The following ARHGAP28 variants were observed in gnomAD, a reference collection of about 807,000 sequenced individuals.
ARHGAP28 encodes Rho GTPase activating protein 28, also known as rho GTPase-activating protein 28.
In ARHGAP28, 56 loss-of-function variants were observed where a neutral mutation model predicts 90.7. The ratio of observed to expected loss-of-function variants is 0.62; its 90% CI spans 0.50 to 0.77. ARHGAP28 has a LOEUF of 0.77. ARHGAP28 is among the 30% of genes least tolerant of loss of function. The pLI is 0.00. For synonymous variants in ARHGAP28, 308 were observed against 323.3 expected, an observed-to-expected ratio of 0.95 and a Z score of 0.51; for missense variants, 869 against 900.9, an observed-to-expected ratio of 0.96 and a Z score of 0.45.
intron 16 of ARHGAP28, chr18:6,898,495 AAAGAG>A: frequency 1.9e-6 from 3 of 1,614,128 alleles, no homozygotes; most frequent in Non-Finnish European, 2.5e-6. Flanking sequence ...GTTAAAAAAG[AAAGAG>A]AAGAGTCGAC....
At chr18:6,828,221 C>T (rs373877749) in intron 2 of ARHGAP28, among the ~76,000 whole-genome samples, 12 of 152,310 alleles carry the variant, frequency 7.9e-5, no homozygotes, top group African/African-American at 2.4e-4. Context: ...CGTGGCGGCA[C>T]GCGCCTGCAA....
intron 4 of ARHGAP28, among the ~76,000 whole-genome samples, chr18:6,854,468 G>A: frequency 6.6e-6 from 1 of 152,122 alleles, no homozygotes; most frequent in East Asian, 1.9e-4. Flanking sequence ...TCTTTCTTCA[G>A]TTGCTGGATA....
intron 4 of ARHGAP28, among the ~76,000 whole-genome samples, chr18:6,853,959 G>C (rs928976553): frequency 6.6e-6 from 1 of 152,188 alleles, no homozygotes; most frequent in Non-Finnish European, 1.5e-5. Context: ...CCCTGAGACG[G>C]TGTCATGGGC....
At chr18:6,775,832 A>T (rs2056279118) in intron 1 of ARHGAP28, among the ~76,000 whole-genome samples, 1 of 152,204 alleles carries the variant, frequency 6.6e-6, no homozygotes, top group Non-Finnish European at 1.5e-5. Flanking sequence ...TCTTTTACAG[A>T]CAAATTTTAT....
intron 1 of ARHGAP28, among the ~76,000 whole-genome samples, chr18:6,762,451 T>C (rs776973448): frequency 4.6e-5 from 7 of 152,238 alleles, no homozygotes; most frequent in Non-Finnish European, 7.3e-5. Context: ...TGTAATTTCA[T>C]TCAGTTTCCC....
At chr18:6,786,750 T>C (rs1371844819) in intron 1 of ARHGAP28, among the ~76,000 whole-genome samples, 1 of 152,106 alleles carries the variant, frequency 6.6e-6, no homozygotes, top group Non-Finnish European at 1.5e-5. Flanking sequence ...GCTATGGCTA[T>C]TGATATATAA....
chr18:6,730,221 G>GTATATATA (rs55890039), intron 1 of ARHGAP28: 53 of 175,048 alleles, frequency 3.0e-4, no homozygotes, highest in Middle Eastern at 2.3e-3. Context: ...TAAGTCATGT[G>GTATATATA]TATATATATA....
chr18:6,803,996 A>C (rs1215252599), intron 1 of ARHGAP28, among the ~76,000 whole-genome samples: 4 of 151,998 alleles, frequency 2.6e-5, no homozygotes, highest in Non-Finnish European at 5.9e-5. Flanking sequence ...AGTCAGGATG[A>C]TCTTGATTTC....
intron 1 of ARHGAP28, among the ~76,000 whole-genome samples, chr18:6,786,425 T>A (rs1361768140): frequency 6.6e-6 from 1 of 152,032 alleles, no homozygotes; most frequent in East Asian, 1.9e-4. Flanking sequence ...AGGATAAAAA[T>A]GTGAGAACCC....
At chr18:6,812,070 A>C (rs1231715307) in intron 1 of ARHGAP28, among the ~76,000 whole-genome samples, 1 of 152,198 alleles carries the variant, frequency 6.6e-6, no homozygotes, top group Non-Finnish European at 1.5e-5. Flanking sequence ...TCCAATAGCC[A>C]AACCATATTT....
At chr18:6,777,931 G>A (rs920434281) in intron 1 of ARHGAP28, among the ~76,000 whole-genome samples, 3 of 152,088 alleles carry the variant, frequency 2.0e-5, no homozygotes, top group Non-Finnish European at 4.4e-5. Flanking sequence ...GCATTTTTCC[G>A]ATCTGGTGGC....
In ARHGAP28 at chr18:6,809,581, A is replaced by G. The variant is rs540668367; in HGVS notation, c.123-15181A>G. ...GCAGGCACATATTTACATGGCCAGC[A>G]GGAGAGAGAGAAAGAGAAAACAAGC... On this transcript the variant is annotated intron_variant, in intron 1 of 17. Coordinates refer to ENST00000383472, the MANE Select transcript of ARHGAP28 (RefSeq NM_001366230.1). 1.1e-4 allele frequency among the ~76,000 whole-genome samples: 17 copies of G among 152,298 alleles called. No individual in the cohort carries two copies. In the East Asian group the frequency reaches 3.3e-3, roughly 29 times the overall value.
At chr18:6,792,523 A>G (rs1468923100) in intron 1 of ARHGAP28, among the ~76,000 whole-genome samples, 1 of 152,206 alleles carries the variant, frequency 6.6e-6, no homozygotes, top group Non-Finnish European at 1.5e-5. Context: ...GACTCTTGGC[A>G]TTCCTGGCCC....
intron 2 of ARHGAP28, among the ~76,000 whole-genome samples, chr18:6,833,527 G>A (rs1413138633): frequency 2.6e-5 from 4 of 151,712 alleles, no homozygotes; most frequent in South Asian, 2.1e-4. Flanking sequence ...CTTGAAAATT[G>A]CAGGTAATTT....
chr18:6,798,638 A>G (rs989301774), intron 1 of ARHGAP28, among the ~76,000 whole-genome samples: 1 of 152,220 alleles, frequency 6.6e-6, no homozygotes, highest in Admixed American at 6.5e-5. Context: ...GAGCTAAGCA[A>G]CAAGGATGCA....
chr18:6,758,452 T>C (rs939973138), intron 1 of ARHGAP28, among the ~76,000 whole-genome samples: 1 of 152,006 alleles, frequency 6.6e-6, no homozygotes, highest in African/African-American at 2.4e-5. Context: ...GCCTCCCGAG[T>C]AGCTGGGATT....
In ARHGAP28 at chr18:6,765,550, C is replaced by A. The variant is rs116277762; in HGVS notation, c.122+35607C>A. 5.5e-3 allele frequency among the ~76,000 whole-genome samples: 832 copies of A among 152,096 alleles called. 8 individuals are homozygous for A. Among genetic ancestry groups the A allele is most frequent in the African/African-American group, 0.019 (809 of 41,536 alleles). ...CTATAAATTTATTAATTTTACTTAT[C>A]TTTTCCAAACTCTGCTTTTTAAAAA... On this transcript the variant is annotated intron_variant, in intron 1 of 17. Transcript: ENST00000383472.
intron 1 of ARHGAP28, among the ~76,000 whole-genome samples, chr18:6,822,751 C>T (rs570969118): frequency 2.0e-3 from 308 of 152,040 alleles, no homozygotes; most frequent in Middle Eastern, 3.4e-3. Context: ...TCAGATACTA[C>T]GAAAAGATCA....
At chr18:6,871,464 T>C (rs2057089057) in intron 7 of ARHGAP28, among the ~76,000 whole-genome samples, 1 of 152,034 alleles carries the variant, frequency 6.6e-6, no homozygotes, top group Admixed American at 6.6e-5. Flanking sequence ...GAACAGACAA[T>C]AAAAACACAT....
Sources: gnomAD v4.1 joint callset for allele counts (sites outside exome capture counted in the v4.1 genomes callset) on GRCh38, gnomAD v4.1.1 for gene constraint, MANE v1.5 for transcripts, NCBI Gene and HGNC (gene_info 2026-07-23, HGNC 2026-07-21) for gene names.